The following B4GALT2 variants were observed in gnomAD, a reference collection of about 807,000 sequenced individuals.
B4GALT2 encodes N-acetyllactosamine synthase.
A neutral mutation model predicts 33.2 loss-of-function variants in B4GALT2; 18 were observed. The ratio of observed to expected loss-of-function variants is 0.54; its 90% confidence interval spans 0.38 to 0.80. The LOEUF is 0.80. Ranked by LOEUF, B4GALT2 falls within the 30% of genes least tolerant of loss-of-function variation. The pLI, the probability that B4GALT2 is intolerant of heterozygous loss-of-function variation, is 0.00. For missense variants in B4GALT2, 404 were observed against 526.2 expected, an observed-to-expected ratio of 0.77 and a Z score of 2.27; for synonymous variants, 214 against 217.6, an observed-to-expected ratio of 0.98 and a Z score of 0.15.
chr1:43,988,060 T>C (rs968646673), intron 6 of B4GALT2, among the ~76,000 whole-genome samples: 6 of 152,152 alleles, frequency 3.9e-5, no homozygotes, highest in Non-Finnish European at 8.8e-5. Context: ...CCTTGGTGCT[T>C]AGAGCACAGC....
Position 43,979,720 on chromosome 1 carries a change from T to G in B4GALT2, c.-53+209T>G. The G allele has an allele frequency of 6.2e-6, 2 of 321,672 alleles. No individual in the cohort carries two copies. The highest frequency in any genetic ancestry group is 1.2e-5 in the Non-Finnish European group (2 of 171,718). 19.9% of individuals were successfully genotyped at this position (321,672 alleles called of 1,614,324 possible). A position where few individuals can be genotyped will look rare whatever the true frequency, so the allele number is the denominator to read the frequency against. ...TCCGCCCGCGTCCAGCCGGCCTCCC[T>G]CATTGTCCTCGCTCGCCCCGGCCTC... On this transcript the variant is annotated intron_variant, in intron 1 of 6. Transcript: ENST00000372324. The surrounding 1 kb of genome is among the most constrained non-coding windows in gnomAD (Gnocchi z 4.8).
chr1:43,985,124 C>T, intron 4 of B4GALT2, 69 bp downstream of exon 4: 2 of 1,587,852 alleles, frequency 1.3e-6, no homozygotes, highest in Non-Finnish European at 8.6e-7. Context: ...CTTCCAGCCC[C>T]CGAGCCCCGC....
chr1:43,981,557 G>T lies in B4GALT2; in HGVS notation c.313+84G>T. The T allele has an allele frequency of 6.6e-7, 1 of 1,519,750 alleles. No individual in the cohort carries two copies. The allele number at this position is 1,519,750 out of a possible 1,614,324, so 94.1% of individuals were successfully genotyped here. A position where few individuals can be genotyped will look rare whatever the true frequency, so the allele number is the denominator to read the frequency against. The stretch of plus-strand genomic sequence containing the variant: ...AGAAATGGCATCTGGACCCAGGGGT[G>T]TGCCAGGGGTCCAGGTCTGTTGTAA... On this transcript the variant is annotated intron_variant, in intron 2 of 6. Coordinates refer to ENST00000372324, the MANE Select transcript of B4GALT2 (RefSeq NM_003780.5). The surrounding 1 kb of genome is among the most constrained non-coding windows in gnomAD (Gnocchi z 8.1).
intron 6 of B4GALT2, chr1:43,985,898 G>A (rs2085654033): frequency 5.8e-6 from 3 of 520,424 alleles, no homozygotes; most frequent in African/African-American, 3.8e-5. Context: ...AGAATTTAAT[G>A]TCAGGGCCTA....
chr1:43,985,099 C>T (rs1479379564), intron 4 of B4GALT2, 44 bp downstream of exon 4: 1 of 1,601,584 alleles, frequency 6.2e-7, no homozygotes, highest in Non-Finnish European at 8.5e-7. Flanking sequence ...CCTGCCCCCA[C>T]CAGACGCAGG....
chr1:43,980,844 AGTGT>A (rs1258223741), intron 1 of B4GALT2, among the ~76,000 whole-genome samples: 1 of 151,998 alleles, frequency 6.6e-6, no homozygotes, highest in Admixed American at 6.5e-5. Flanking sequence ...TGAGTGCCTG[AGTGT>A]GTGTGTCAGT....
Position 43,979,943 on chromosome 1 carries a change from C to G in B4GALT2, c.-53+432C>G. 6.6e-7 allele frequency: 1 copy of G among 1,520,152 alleles called. No homozygotes were observed. The highest frequency in any genetic ancestry group is 8.8e-7 in the Non-Finnish European group (1 of 1,136,714). The allele number at this position is 1,520,152 out of a possible 1,614,324, so 94.2% of individuals were successfully genotyped here. ...TGGCCGCCAGCCTGACCCAGAACCC[C>G]TGCGCCGGAGGGAGGGTGGGAATGT... is the stretch of plus-strand genomic sequence containing the variant. On this transcript the variant is annotated intron_variant, in intron 1 of 6. Transcript: ENST00000372324. The surrounding 1 kb of genome is among the most constrained non-coding windows in gnomAD (Gnocchi z 4.8).
chr1:43,983,367 A>G (rs113614204), intron 3 of B4GALT2, among the ~76,000 whole-genome samples: 5,122 of 152,262 alleles, frequency 0.034, 308 homozygotes, highest in African/African-American at 0.12. Flanking sequence ...CTTGGCCAGA[A>G]GGGCTGGAGG....
At chr1:43,990,076 G>A (rs893248464) in intron 6 of B4GALT2, among the ~76,000 whole-genome samples, 1 of 152,168 alleles carries the variant, frequency 6.6e-6, no homozygotes, top group African/African-American at 2.4e-5. Flanking sequence ...TCTCTGCTTT[G>A]ACGTTAATGC....
chr1:43,980,138 A>T, intron 1 of B4GALT2: 1 of 1,323,140 alleles, frequency 7.6e-7, no homozygotes, highest in Non-Finnish European at 9.9e-7. Context: ...AGCTGGGACC[A>T]GGGTGTCCCT....
chr1:43,987,751 C>T (rs538322690), intron 6 of B4GALT2, among the ~76,000 whole-genome samples: 4 of 152,318 alleles, frequency 2.6e-5, no homozygotes, highest in Non-Finnish European at 4.4e-5. Flanking sequence ...ATGAGCTGCT[C>T]GCTCTGACTT....
rs1009412555 is a variant in B4GALT2, at chr1:43,990,405, C to T, written c.1076C>T (p.Thr359Ile). The change falls in exon 7 of 7, where the codon ACA becomes ATA. Residue 359 changes from threonine to isoleucine, a missense_variant. By Grantham distance (89) the Thr-to-Ile change is moderately conservative (BLOSUM62 -1). Transcript: ENST00000372324. ...CGGCAACCACTCTTCACCAATATCA[C>T]AGTGGACATTGGGCGGCCTCCGTCG... Reference protein sequence around the residue: ...VSRQPLFTNITVDIGRPPSWP... With the variant: ...VSRQPLFTNIIVDIGRPPSWP... 4 of 1,614,124 alleles carry T rather than the reference C, an allele frequency of 2.5e-6. No homozygotes were observed. Among genetic ancestry groups the T allele is most frequent in the Non-Finnish European group, 3.4e-6 (4 of 1,180,020 alleles).
At chr1:43,985,458 T>A (rs1245458566) in intron 5 of B4GALT2, 58 bp downstream of exon 5, 6 of 917,998 alleles carry the variant, frequency 6.5e-6, no homozygotes, top group Non-Finnish European at 1.0e-5. Context: ...GGGTGCAGAC[T>A]GGGTGGGGTT....
intron 6 of B4GALT2, among the ~76,000 whole-genome samples, chr1:43,989,158 C>T (rs1274694553): frequency 1.3e-5 from 2 of 152,022 alleles, no homozygotes; most frequent in Non-Finnish European, 2.9e-5. Flanking sequence ...ACCAGCCTGA[C>T]CAACATGGTG....
rs1447480468 is a variant in B4GALT2, at chr1:43,990,774, T to A, written c.*326T>A. The A allele has an allele frequency of 3.0e-6, 1 of 329,904 alleles. No individual in the cohort carries two copies. Among genetic ancestry groups the A allele is most frequent in the Non-Finnish European group, 5.8e-6 (1 of 173,350 alleles). 20.4% of individuals were successfully genotyped at this position (329,904 alleles called of 1,614,324 possible). On this transcript the variant is annotated 3_prime_UTR_variant, in exon 7 of 7. Transcript: ENST00000372324. ...GTGGCCTGGGCTAGGTCACTCCACC[T>A]CTCTGTGCCTCAGTTTCCCCCCCTT...
At position 43,985,557 on chromosome 1, in the gene B4GALT2, C is replaced by T. The variant is rs1449991095; in HGVS notation, c.904C>T (p.Arg302Ter). ...TGMKISRPDI[R>*]IGRYRMIKHD... ...GATGAAGATCTCACGCCCAGACATC[C>T]GAATCGGCCGCTACCGCATGATCAA... is the stretch of plus-strand genomic sequence containing the variant. The change falls in exon 6 of 7, where the codon CGA becomes TGA. Residue 302 changes from arginine to a stop codon, truncating the protein, a stop_gained. Coordinates refer to ENST00000372324, the MANE Select transcript of B4GALT2 (RefSeq NM_003780.5). LOFTEE classifies it high-confidence loss of function. 1.9e-6 allele frequency: 3 copies of T among 1,613,766 alleles called. No homozygotes were observed. Among genetic ancestry groups the T allele is most frequent in the South Asian group, 1.1e-5 (1 of 91,072 alleles).
intron 6 of B4GALT2, 36 bp from the exon 7 acceptor site, chr1:43,990,262 G>T: frequency 6.2e-7 from 1 of 1,609,998 alleles, no homozygotes. Flanking sequence ...GTTTACAGTT[G>T]TTAGCCCTGA....
At position 43,981,153 on chromosome 1, in the gene B4GALT2, C is replaced by T. The variant is rs2085589474; in HGVS notation, c.-8C>T. 6.3e-7 allele frequency: 1 copy of T among 1,598,178 alleles called. No individual in the cohort carries two copies. Among genetic ancestry groups the T allele is most frequent in the Non-Finnish European group, 8.5e-7 (1 of 1,179,310 alleles). On this transcript the variant is annotated 5_prime_UTR_variant, in exon 2 of 7. Transcript: ENST00000372324. The surrounding 1 kb of genome is among the most constrained non-coding windows in gnomAD (Gnocchi z 8.1). ...GGCCCACTGGGCGGGCCAGTGGCCG[C>T]CTGCGGGATGAGCAGACTGCTGGGG...
chr1:43,979,773 T>G lies in B4GALT2; in HGVS notation c.-53+262T>G. On this transcript the variant is annotated intron_variant, in intron 1 of 6. Transcript: ENST00000372324. The surrounding 1 kb of genome is among the most constrained non-coding windows in gnomAD (Gnocchi z 4.8). ...GGCGCGGGGAGGCGTTCCATACACG[T>G]TTCCCCTTGGCCTTTGCCTCATCCG... 1 of 472,082 alleles carries G rather than the reference T, an allele frequency of 2.1e-6. No individual in the cohort carries two copies. Among genetic ancestry groups the G allele is most frequent in the Non-Finnish European group, 3.8e-6 (1 of 263,478 alleles). 29.2% of individuals were successfully genotyped at this position (472,082 alleles called of 1,614,324 possible).
Sources: gnomAD v4.1 joint callset for allele counts (sites outside exome capture counted in the v4.1 genomes callset) on GRCh38, gnomAD v4.1.1 for gene constraint, Gnocchi (gnomAD v3.1) non-coding constraint, MANE v1.5 for transcripts, NCBI Gene and HGNC (gene_info 2026-07-23, HGNC 2026-07-21) for gene names.